The following MDH2 variants were observed in gnomAD, a reference collection of about 807,000 sequenced individuals.
MDH2 encodes the protein malate dehydrogenase, mitochondrial.
MDH2 carries 25 observed loss-of-function variants against 33.6 expected under a neutral mutation model. That is an observed-to-expected ratio of 0.74 (90% CI 0.54 to 1.04). MDH2 has a LOEUF of 1.04. Among genes scored for constraint, MDH2 ranks in the 50% least tolerant of loss-of-function variants. MDH2 has a pLI of 0.00. For synonymous variants in MDH2, 193 were observed against 188.7 expected (o/e 1.02, Z -0.19); for missense variants, 432 against 445.0 (o/e 0.97, Z 0.26).
rs12670046 is a variant in MDH2 at position 76,061,304 on chromosome 7, G to A, written c.555+806G>A. On this transcript the variant is annotated intron_variant, in intron 5 of 8. Coordinates refer to ENST00000315758, the MANE Select transcript of MDH2 (RefSeq NM_005918.4). ...CACCCTTGGCCTCCGTTTTACTCCC[G>A]AGTGACAGGCACATCTGCTTCTGAG... Among the ~76,000 whole-genome samples, 310 of 152,270 alleles carry A rather than the reference G, an allele frequency of 2.0e-3. 4 individuals carry two copies. The East Asian group carries it at 0.044, about 21-fold the overall frequency.
intron 4 of MDH2, among the ~76,000 whole-genome samples, chr7:76,059,689 C>G (rs1260654695): frequency 6.6e-6 from 1 of 152,194 alleles, no homozygotes; most frequent in Non-Finnish European, 1.5e-5. Context: ...TGGATGCCAG[C>G]AGGCATGCAG....
chr7:76,052,430 CAAA>C (rs57185949), intron 1 of MDH2, among the ~76,000 whole-genome samples: 2 of 128,758 alleles, frequency 1.6e-5, no homozygotes, highest in South Asian at 5.1e-4. Flanking sequence ...GACCCTATCT[CAAA>C]AAAAAAAAAA....
intron 1 of MDH2, chr7:76,048,997 G>A: frequency 3.3e-6 from 1 of 307,456 alleles, no homozygotes; most frequent in Non-Finnish European, 4.0e-6. Flanking sequence ...GGGGGGGGGG[G>A]GTCCGCATTT....
rs538431351 is a variant in MDH2, at chr7:76,064,371, G to A, written c.666G>A (p.Gln222=). Residue 222 remains glutamine (Q), a synonymous_variant, in exon 7 of 9, where the codon CAG becomes CAA. Transcript: ENST00000315758. ...CTPKVDFPQD[Q]LTALTGRIQE... is the part of the protein sequence containing the mutation. ...CCAAGGTGGACTTTCCCCAGGACCAGCTGACAGCACTCACTGGGCGGATCC... is the reference window on the plus strand; with the variant it reads ...CCAAGGTGGACTTTCCCCAGGACCAACTGACAGCACTCACTGGGCGGATCC... 1.2e-6 allele frequency: 2 copies of A among 1,613,542 alleles called. No individual in the cohort carries two copies. Among genetic ancestry groups the A allele is most frequent in the East Asian group, 4.5e-5 (2 of 44,812 alleles).
intron 2 of MDH2, 141 bp from the exon 3 acceptor site, chr7:76,057,269 G>C (rs1046416171): frequency 1.3e-6 from 1 of 753,456 alleles, no homozygotes; most frequent in Non-Finnish European, 2.2e-6. Flanking sequence ...GGCAGTAGTC[G>C]TCAACAGAAG....
rs11538800 is a variant in MDH2 at position 76,048,176 on chromosome 7, G to A, written c.16G>A (p.Ala6Thr). 3.4e-5 allele frequency: 52 copies of A among 1,536,512 alleles called. No individual in the cohort carries two copies. Among genetic ancestry groups the A allele is most frequent in the Non-Finnish European group, 4.5e-5 (52 of 1,146,610 alleles). Residue 6 changes from alanine to threonine, a missense_variant, in exon 1 of 9, where the codon GCC (alanine) becomes ACC (threonine). Coordinates refer to ENST00000315758, the MANE Select transcript of MDH2 (RefSeq NM_005918.4). The part of the protein sequence containing the change: MLSAL[A>T]RPASAALRRS... Reference sequence around the variant, plus strand: ...CGCTCCAGCCATGCTCTCCGCCCTCGCCCGGCCTGCCAGCGCTGCTCTCCG... The same window carrying A: ...CGCTCCAGCCATGCTCTCCGCCCTCACCCGGCCTGCCAGCGCTGCTCTCCG...
chr7:76,058,391 G>A (rs1283437879), intron 4 of MDH2, among the ~76,000 whole-genome samples: 2 of 152,200 alleles, frequency 1.3e-5, no homozygotes, highest in Non-Finnish European at 1.5e-5. Flanking sequence ...CCTTTCAGCC[G>A]TGATTGTGGT....
In MDH2 at chr7:76,063,722, G is replaced by C; in HGVS notation, c.633+130G>C. ...AGGTTTTGGAAGGGCTCCTGTTGTA[G>C]GCAGCCCCGCCCCTCTGCTGCAGGG... On this transcript the variant is annotated intron_variant, in intron 6 of 8. Coordinates refer to ENST00000315758, the MANE Select transcript of MDH2 (RefSeq NM_005918.4). 1.1e-5 allele frequency: 9 copies of C among 850,980 alleles called. No homozygotes were observed. The South Asian group carries it at 1.3e-4, about 12-fold the overall frequency. 52.7% of individuals were successfully genotyped at this position (850,980 alleles called of 1,614,324 possible).
chr7:76,054,781 T>C, intron 1 of MDH2, 49 bp from the exon 2 acceptor site: 2 of 1,610,670 alleles, frequency 1.2e-6, no homozygotes, highest in Non-Finnish European at 1.7e-6. Flanking sequence ...TGTGAATCCT[T>C]TTCATGCTCA....
At position 76,066,488 on chromosome 7, in the gene MDH2, T is replaced by C; in HGVS notation, c.*78T>C. ...GCAAAGCCGTTGCAGATAAACTTTGTATTTTAATTTGCTTTGGTGATGATT... is the reference window on the plus strand; with the variant it reads ...GCAAAGCCGTTGCAGATAAACTTTGCATTTTAATTTGCTTTGGTGATGATT... On this transcript the variant is annotated 3_prime_UTR_variant, in exon 9 of 9. Transcript: ENST00000315758. 6.7e-7 allele frequency: 1 copy of C among 1,497,016 alleles called. No individual in the cohort carries two copies. The highest frequency in any genetic ancestry group is 8.9e-7 in the Non-Finnish European group (1 of 1,118,830). 92.7% of individuals were successfully genotyped at this position (1,497,016 alleles called of 1,614,324 possible). A position where few individuals can be genotyped will look rare whatever the true frequency, so the allele number is the denominator to read the frequency against.
chr7:76,050,434 A>T (rs539798834), intron 1 of MDH2, among the ~76,000 whole-genome samples: 36 of 152,234 alleles, frequency 2.4e-4, no homozygotes, highest in Non-Finnish European at 4.4e-4. Context: ...AGAGTATTGC[A>T]GGTAAGGGAT....
intron 2 of MDH2, among the ~76,000 whole-genome samples, chr7:76,056,639 A>G (rs1328540541): frequency 6.6e-6 from 1 of 152,208 alleles, no homozygotes; most frequent in Non-Finnish European, 1.5e-5. Context: ...TTTCCTTCAG[A>G]TGATAGGAGT....
intron 4 of MDH2, among the ~76,000 whole-genome samples, chr7:76,059,096 A>G (rs1639610): frequency 0.014 from 2,118 of 152,236 alleles, 42 homozygotes; most frequent in African/African-American, 0.049. Flanking sequence ...GGTGCATGCC[A>G]CTATGCCCAG....
At chr7:76,059,913 G>A (rs577278643) in intron 4 of MDH2, among the ~76,000 whole-genome samples, 20 of 152,252 alleles carry the variant, frequency 1.3e-4, no homozygotes, top group African/African-American at 2.4e-4. Flanking sequence ...TGAGGTTGTC[G>A]TTTCCCCCAC....
rs1209100286 is a variant in MDH2, at chr7:76,048,208, C to T, written c.48C>T (p.Ser16=). ...CTGCCAGCGCTGCTCTCCGCCGCAG[C>T]TTCAGCACCTCGGCCCAGGTAGGCC... ...ARPASAALRR[S]FSTSAQNNAK... is the part of the protein sequence containing the mutation. Residue 16 remains serine, a synonymous_variant, in exon 1 of 9, where the codon AGC becomes AGT. Transcript: ENST00000315758. 5.9e-6 allele frequency: 9 copies of T among 1,535,914 alleles called. No individual in the cohort carries two copies. In the Admixed American group the frequency reaches 1.2e-4, roughly 20 times the overall value.
chr7:76,064,421 A>G lies in MDH2; in HGVS notation c.716A>G (p.Lys239Arg), dbSNP rs554228234. 3 of 1,613,248 alleles carry G rather than the reference A, an allele frequency of 1.9e-6. No homozygotes were observed. In the African/African-American group the frequency reaches 4.0e-5, roughly 21 times the overall value. ...RIQEAGTEVV[K>R]AKAGAGSATL... ...CAGGAGGCCGGCACGGAGGTGGTCA[A>G]GGCTAAAGCCGGAGCAGGTAGAGTC... The change falls in exon 7 of 9, where the codon AAG (lysine) becomes AGG (arginine). Residue 239 changes from lysine (K) to arginine (R), a missense_variant. By Grantham distance (26) the Lys-to-Arg change is conservative. Transcript: ENST00000315758.
chr7:76,057,303 T>C (rs572114761), intron 2 of MDH2, 107 bp from the exon 3 acceptor site: 1 of 1,128,072 alleles, frequency 8.9e-7, no homozygotes, highest in Non-Finnish European at 1.3e-6. Flanking sequence ...AGGCAGGGCT[T>C]CTAGCCTTTC....
At chr7:76,050,808 G>C (rs529609574) in intron 1 of MDH2, among the ~76,000 whole-genome samples, 1 of 152,294 alleles carries the variant, frequency 6.6e-6, no homozygotes, top group East Asian at 1.9e-4. Context: ...CCAAGGTTTT[G>C]GGCCTTGGAG....
At chr7:76,053,186 A>G (rs1173822211) in intron 1 of MDH2, among the ~76,000 whole-genome samples, 1 of 152,204 alleles carries the variant, frequency 6.6e-6, no homozygotes, top group African/African-American at 2.4e-5. Flanking sequence ...GAGGTGGCAG[A>G]AGATGGTTCT....
Sources: allele counts gnomAD v4.1 joint callset (sites outside exome capture counted in the v4.1 genomes callset), GRCh38; gene constraint gnomAD v4.1.1; transcripts MANE v1.5; gene names NCBI Gene and HGNC (gene_info 2026-07-23, HGNC 2026-07-21).